SYTL3: variants seen among roughly 807,000 people sequenced by gnomAD.
SYTL3 encodes synaptotagmin-like protein 3.
Under a neutral mutation model 82.1 loss-of-function variants are expected in SYTL3, and 88 were observed. The ratio of observed to expected loss-of-function variants is 1.07; its 90% CI spans 0.90 to 1.28. The LOEUF is 1.28. Among genes scored for constraint, SYTL3 ranks in the 50% most tolerant of loss-of-function variants. The pLI is 0.00. For synonymous variants in SYTL3, 311 were observed against 289.4 expected, an observed-to-expected ratio of 1.07 and a Z score of -0.76; for missense variants, 831 against 757.6, an observed-to-expected ratio of 1.10 and a Z score of -1.14.
At position 158,736,766 on chromosome 6, in the gene SYTL3, C is replaced by A. The variant is rs759339612; in HGVS notation, c.856-8714C>A. On this transcript the variant is annotated intron_variant, in intron 11 of 17. Coordinates refer to ENST00000611299, the MANE Select transcript of SYTL3 (RefSeq NM_001242394.2). ...TCGTGCCATTGTACTCCAGCCTGGG[C>A]GACAAGAGCGAGACTCTGTCTCAAA... Among the ~76,000 whole-genome samples, 4 of 139,698 alleles carry A rather than the reference C, an allele frequency of 2.9e-5. No homozygotes were observed. In the South Asian group the frequency reaches 8.8e-4, roughly 31 times the overall value. The allele number at this position is 139,698 out of a possible 152,430, so 91.6% of individuals were successfully genotyped here. A position where few individuals can be genotyped will look rare whatever the true frequency, so the allele number is the denominator to read the frequency against.
At chr6:158,701,526 G>A (rs984600398) in intron 6 of SYTL3, among the ~76,000 whole-genome samples, 5 of 149,714 alleles carry the variant, frequency 3.3e-5, no homozygotes, top group African/African-American at 1.3e-4. Flanking sequence ...TGTGAGCTGG[G>A]GTGTAGATGA....
intron 12 of SYTL3, among the ~76,000 whole-genome samples, chr6:158,747,780 C>G (rs1288737924): frequency 6.6e-6 from 1 of 152,146 alleles, no homozygotes; most frequent in African/African-American, 2.4e-5. Flanking sequence ...AGCCACTGCA[C>G]CTGGCCTCCC....
In SYTL3 at chr6:158,708,240, A is replaced by G. The variant is rs894237566; in HGVS notation, c.447-82A>G. 1.7e-5 allele frequency: 21 copies of G among 1,223,116 alleles called. No individual in the cohort carries two copies. The African/African-American group carries it at 2.7e-4, about 16-fold the overall frequency. 75.8% of individuals were successfully genotyped at this position (1,223,116 alleles called of 1,614,324 possible). On this transcript the variant is annotated intron_variant, in intron 7 of 17. Transcript: ENST00000611299. Reference sequence around the variant, plus strand: ...AGGCGGAGAACTAGAATTATAGAATAATGGCACATTTTGTGTATTTGTAAA... The same window carrying G: ...AGGCGGAGAACTAGAATTATAGAATGATGGCACATTTTGTGTATTTGTAAA...
At chr6:158,709,372 A>C (rs1782502655) in intron 8 of SYTL3, among the ~76,000 whole-genome samples, 1 of 152,238 alleles carries the variant, frequency 6.6e-6, no homozygotes, top group South Asian at 2.1e-4. Flanking sequence ...TATAATAATA[A>C]AAATGTTATT....
chr6:158,681,995 G>C (rs1032457478), intron 5 of SYTL3, among the ~76,000 whole-genome samples: 1 of 152,180 alleles, frequency 6.6e-6, no homozygotes, highest in Non-Finnish European at 1.5e-5. Flanking sequence ...GGAGTGCAAT[G>C]GTGCAATCTC....
intron 9 of SYTL3, among the ~76,000 whole-genome samples, chr6:158,715,616 C>T (rs1416410356): frequency 4.9e-5 from 7 of 142,840 alleles, no homozygotes; most frequent in Non-Finnish European, 9.2e-5. Flanking sequence ...CACACACACA[C>T]GCACGCACCC....
At chr6:158,754,637 G>T (rs984019164) in intron 13 of SYTL3, among the ~76,000 whole-genome samples, 1 of 152,346 alleles carries the variant, frequency 6.6e-6, no homozygotes, top group African/African-American at 2.4e-5. Flanking sequence ...GGAGAATGGC[G>T]TGAACCTGGA....
chr6:158,657,429 AAAAAAAAAAAAAAAAAAGAGAG>A (rs1246606595), intron 2 of SYTL3, among the ~76,000 whole-genome samples: 1 of 120,504 alleles, frequency 8.3e-6, no homozygotes, highest in Admixed American at 7.8e-5. Context: ...CTGGCTCAAA[AAAAAAAAAAAAAAAAAAGAGAG>A]AAAAAGAAAA....
chr6:158,669,837 T>C (rs1271091528), intron 5 of SYTL3, among the ~76,000 whole-genome samples: 1 of 152,240 alleles, frequency 6.6e-6, no homozygotes, highest in Non-Finnish European at 1.5e-5. Context: ...GTGGTGTGTA[T>C]GCCTGTGGTC....
chr6:158,649,848 T>G (rs1328984952), upstream of SYTL3, among the ~76,000 whole-genome samples: 2 of 152,072 alleles, frequency 1.3e-5, no homozygotes, highest in Non-Finnish European at 2.9e-5. Context: ...AAATGTAAAA[T>G]GTTGGCATAG....
At chr6:158,702,345 AAT>A (rs1781409380) in intron 6 of SYTL3, among the ~76,000 whole-genome samples, 3 of 148,814 alleles carry the variant, frequency 2.0e-5, no homozygotes, top group African/African-American at 7.6e-5. Flanking sequence ...AAAAAAAAAA[AAT>A]TTTTTTTTTT....
intron 10 of SYTL3, among the ~76,000 whole-genome samples, chr6:158,719,504 T>C (rs989873623): frequency 2.6e-5 from 4 of 152,236 alleles, no homozygotes; most frequent in Middle Eastern, 3.2e-3. Flanking sequence ...AAGTCTATGC[T>C]GTGAAGTTCT....
chr6:158,731,200 C>G (rs1030452937), intron 11 of SYTL3, among the ~76,000 whole-genome samples: 1 of 151,920 alleles, frequency 6.6e-6, no homozygotes, highest in African/African-American at 2.4e-5. Flanking sequence ...AGGAGAATAG[C>G]TTGAACCCGG....
chr6:158,712,757 TTC>T lies in SYTL3; in HGVS notation c.517-1041_517-1040del, dbSNP rs1161632376. Among the ~76,000 whole-genome samples the T allele has an allele frequency of 2.2e-5, 3 of 133,538 alleles. No homozygotes were observed. The East Asian group carries it at 5.8e-4, about 26-fold the overall frequency. 87.6% of individuals were successfully genotyped at this position (133,538 alleles called of 152,430 possible). On this transcript the variant is annotated intron_variant, in intron 8 of 17. Transcript: ENST00000611299. ...CATACATTCTTTTTCTTTTCTTTCTTTCTTTTTTTTTTTTTTTTTGAGACAGA... is the reference window on the plus strand; with the variant it reads ...CATACATTCTTTTTCTTTTCTTTCTTTTTTTTTTTTTTTTTTTGAGACAGA...
chr6:158,756,912 G>A (rs1789182680), intron 13 of SYTL3, among the ~76,000 whole-genome samples: 1 of 151,442 alleles, frequency 6.6e-6, no homozygotes. Context: ...ATTGGGGGTG[G>A]GAGGCTACCA....
At chr6:158,744,864 T>G (rs1267728639) in intron 11 of SYTL3, among the ~76,000 whole-genome samples, 1 of 152,230 alleles carries the variant, frequency 6.6e-6, no homozygotes, top group Non-Finnish European at 1.5e-5. Context: ...CGTATAAGCT[T>G]GGAGTACCCT....
intron 11 of SYTL3, among the ~76,000 whole-genome samples, chr6:158,734,153 TA>T (rs146329265): frequency 0.13 from 18,566 of 148,428 alleles, 1,429 homozygotes; most frequent in African/African-American, 0.21. Flanking sequence ...ATTGCCTTGC[TA>T]AAAAAAACCT....
At chr6:158,717,803 A>T (rs1228576033) in intron 9 of SYTL3, among the ~76,000 whole-genome samples, 2 of 152,106 alleles carry the variant, frequency 1.3e-5, no homozygotes, top group Non-Finnish European at 2.9e-5. Context: ...GCTTGGGTGG[A>T]TGATTTCCCT....
At chr6:158,688,549 G>A (rs965598153) in intron 6 of SYTL3, among the ~76,000 whole-genome samples, 1 of 152,152 alleles carries the variant, frequency 6.6e-6, no homozygotes, top group Non-Finnish European at 1.5e-5. Flanking sequence ...GATCGCTTGA[G>A]CCCAGGAGTT....
Sources: allele counts gnomAD v4.1 joint callset (sites outside exome capture counted in the v4.1 genomes callset), GRCh38; gene constraint gnomAD v4.1.1; transcripts MANE v1.5; gene names NCBI Gene and HGNC (gene_info 2026-07-23, HGNC 2026-07-21).